Variants in ZFYVE9 observed in about 807,000 individuals in gnomAD.
The protein encoded by ZFYVE9 is zinc finger FYVE-type containing 9, also known as zinc finger FYVE domain-containing protein 9.
In ZFYVE9, 43 loss-of-function variants were observed where a neutral mutation model predicts 126.7. The ratio of observed to expected loss-of-function variants is 0.34; its 90% CI spans 0.27 to 0.44. ZFYVE9 has a LOEUF of 0.44. Ranked by LOEUF, ZFYVE9 falls within the 20% of genes least tolerant of loss-of-function variation. ZFYVE9 has a pLI of 1.00. For missense variants in ZFYVE9, 1,476 were observed against 1,697.0 expected (o/e 0.87, Z 2.29); for synonymous variants, 521 against 597.4 (o/e 0.87, Z 1.87).
At chr1:52,296,262 C>A (rs1261467948) in intron 12 of ZFYVE9, among the ~76,000 whole-genome samples, 1 of 151,942 alleles carries the variant, frequency 6.6e-6, no homozygotes, top group Non-Finnish European at 1.5e-5. Flanking sequence ...TATACACTTA[C>A]CGTCCAACCT....
chr1:52,169,195 G>GT (rs1318609205), intron 1 of ZFYVE9, among the ~76,000 whole-genome samples: 1 of 152,092 alleles, frequency 6.6e-6, no homozygotes, highest in Non-Finnish European at 1.5e-5. Flanking sequence ...GAGTCCAGGA[G>GT]TTTGAGACCA....
At chr1:52,155,379 C>T (rs1321565400) in intron 1 of ZFYVE9, among the ~76,000 whole-genome samples, 2 of 151,766 alleles carry the variant, frequency 1.3e-5, no homozygotes, top group Non-Finnish European at 2.9e-5. Context: ...GGACTACAGG[C>T]GCCCACCACC....
chr1:52,301,612 C>CCCA (rs1168647852), intron 12 of ZFYVE9, among the ~76,000 whole-genome samples: 2 of 152,084 alleles, frequency 1.3e-5, no homozygotes, highest in Non-Finnish European at 2.9e-5. Context: ...CCTTCTCTGG[C>CCCA]TAGTTTCAAA....
intron 1 of ZFYVE9, among the ~76,000 whole-genome samples, chr1:52,208,248 C>G (rs1440962481): frequency 1.3e-5 from 2 of 152,136 alleles, no homozygotes; most frequent in Non-Finnish European, 2.9e-5. Context: ...CTACCAAACT[C>G]CAGTGACTCT....
intron 13 of ZFYVE9, among the ~76,000 whole-genome samples, chr1:52,306,747 G>A (rs1048710124): frequency 1.3e-5 from 2 of 152,240 alleles, no homozygotes; most frequent in Non-Finnish European, 2.9e-5. Context: ...CACATTCCCT[G>A]GTGGCAGCTG....
chr1:52,263,181 C>A (rs1299157525), intron 4 of ZFYVE9, among the ~76,000 whole-genome samples: 1 of 151,878 alleles, frequency 6.6e-6, no homozygotes, highest in African/African-American at 2.4e-5. Flanking sequence ...AGGAACCAAG[C>A]CCAGAAGGTG....
chr1:52,298,874 A>G (rs1022690594), intron 12 of ZFYVE9, among the ~76,000 whole-genome samples: 134 of 147,886 alleles, frequency 9.1e-4, no homozygotes, highest in African/African-American at 3.3e-3. Context: ...CAGTGGCGCA[A>G]TTTCGGCTCA....
intron 7 of ZFYVE9, among the ~76,000 whole-genome samples, chr1:52,273,440 A>G (rs920896316): frequency 1.3e-5 from 2 of 152,348 alleles, no homozygotes. Context: ...AGCATGTTCT[A>G]TTTAATAATT....
intron 1 of ZFYVE9, among the ~76,000 whole-genome samples, chr1:52,185,173 A>G (rs9661610): frequency 4.3e-4 from 66 of 152,296 alleles, no homozygotes; most frequent in Non-Finnish European, 8.7e-4. Context: ...CAACAATTTA[A>G]TACCTACTAG....
chr1:52,224,656 C>T (rs889961779), intron 2 of ZFYVE9, among the ~76,000 whole-genome samples: 2 of 152,176 alleles, frequency 1.3e-5, no homozygotes, highest in African/African-American at 2.4e-5. Context: ...AACAGCAATA[C>T]TTTATCATAC....
intron 16 of ZFYVE9, among the ~76,000 whole-genome samples, chr1:52,339,044 C>T (rs927371537): frequency 1.3e-5 from 2 of 152,090 alleles, no homozygotes; most frequent in African/African-American, 4.8e-5. Flanking sequence ...AGAACATAAA[C>T]AGGTTTGAAA....
chr1:52,181,641 C>G (rs533816088), intron 1 of ZFYVE9, among the ~76,000 whole-genome samples: 203 of 150,896 alleles, frequency 1.3e-3, no homozygotes, highest in African/African-American at 4.6e-3. Context: ...AAGTGAGGAG[C>G]GCCTCTTCCC....
At chr1:52,189,882 A>G (rs566983615) in intron 1 of ZFYVE9, 1 of 151,894 alleles carries the variant, frequency 6.6e-6, no homozygotes, top group African/African-American at 2.4e-5. Flanking sequence ...TTGTTGAAAA[A>G]TGTTCTTTCC....
intron 4 of ZFYVE9, among the ~76,000 whole-genome samples, chr1:52,254,864 G>T (rs1454945598): frequency 1.3e-5 from 2 of 152,112 alleles, no homozygotes; most frequent in Admixed American, 1.3e-4. Flanking sequence ...TACTTGGGAG[G>T]CTGAGGTGGA....
rs936440312 is a variant in ZFYVE9 at position 52,155,089 on chromosome 1, G to A, written c.-143+12686G>A. 1.1e-4 allele frequency among the ~76,000 whole-genome samples: 17 copies of A among 152,108 alleles called. No individual in the cohort carries two copies. The East Asian group carries it at 3.3e-3, about 29-fold the overall frequency. On this transcript the variant is annotated intron_variant, in intron 1 of 18. Coordinates refer to ENST00000287727, the MANE Select transcript of ZFYVE9 (RefSeq NM_004799.4). ...CATTCCTATCTTATAATGGATTGCTGCTATGCTCACCTGGCTTTATGACCT... is the reference window on the plus strand; with the variant it reads ...CATTCCTATCTTATAATGGATTGCTACTATGCTCACCTGGCTTTATGACCT...
At chr1:52,343,685 G>A (rs756725486) in intron 17 of ZFYVE9, among the ~76,000 whole-genome samples, 8 of 151,844 alleles carry the variant, frequency 5.3e-5, no homozygotes, top group African/African-American at 1.2e-4. Context: ...GAACCCAGGA[G>A]GTGGAGGTTG....
At chr1:52,258,856 G>C (rs918892209) in intron 4 of ZFYVE9, among the ~76,000 whole-genome samples, 1 of 150,500 alleles carries the variant, frequency 6.6e-6, no homozygotes, top group African/African-American at 2.4e-5. Context: ...GTATTCTTGG[G>C]TTCTTCTGTG....
chr1:52,239,281 A>G lies in ZFYVE9; in HGVS notation c.1864A>G (p.Lys622Glu). The change falls in exon 4 of 19, where the codon AAA (lysine) becomes GAA (glutamate). Residue 622 changes from lysine to glutamate, a missense_variant. By Grantham distance (56) the Lys-to-Glu change is moderately conservative. Around this residue, in one of 2 missense-constraint regions of ZFYVE9, gnomAD observed 807 missense variants for 794.6 expected, o/e 1.02. Coordinates refer to ENST00000287727, the MANE Select transcript of ZFYVE9 (RefSeq NM_004799.4). ...KNKNDILGKA[K>E]LGENSATNVC... is the part of the protein sequence containing the mutation. ...TAAAAATGATATTCTTGGGAAAGCA[A>G]AATTAGGGGAAAACTCAGCAACCAA... 6.2e-7 allele frequency: 1 copy of G among 1,614,202 alleles called. No homozygotes were observed. Among genetic ancestry groups the G allele is most frequent in the Non-Finnish European group, 8.5e-7 (1 of 1,180,024 alleles).
chr1:52,163,628 T>C (rs12078348), intron 1 of ZFYVE9, among the ~76,000 whole-genome samples: 3 of 152,290 alleles, frequency 2.0e-5, no homozygotes, highest in East Asian at 3.9e-4. Context: ...TGTCATACTT[T>C]TCTTTATATC....
Sources: gnomAD v4.1 joint callset for allele counts (sites outside exome capture counted in the v4.1 genomes callset) on GRCh38, gnomAD v4.1.1 for gene constraint, gnomAD v4.1.1 regional missense constraint, MANE v1.5 for transcripts, NCBI Gene and HGNC (gene_info 2026-07-23, HGNC 2026-07-21) for gene names.